Variants in GPC6 observed in about 807,000 individuals in gnomAD.
The protein encoded by GPC6 is glypican 6.
A neutral mutation model predicts 55.2 loss-of-function variants in GPC6; 14 were observed. The ratio of observed to expected loss-of-function variants is 0.25; its 90% CI spans 0.17 to 0.40. The LOEUF is 0.40. Ranked by LOEUF, GPC6 falls within the 10% of genes least tolerant of loss-of-function variation. The probability of loss-of-function intolerance (pLI) is 1.00; values close to 1 mark genes in which losing one functional copy is unlikely to be tolerated. For missense variants in GPC6, 641 were observed against 708.5 expected, an observed-to-expected ratio of 0.90 and a Z score of 1.08; for synonymous variants, 278 against 259.6, an observed-to-expected ratio of 1.07 and a Z score of -0.68.
chr13:93,386,888 C>T (rs1875427914), intron 1 of GPC6, among the ~76,000 whole-genome samples: 1 of 152,184 alleles, frequency 6.6e-6, no homozygotes, highest in African/African-American at 2.4e-5. Context: ...AATCCAATCT[C>T]TGCCTCTGTC....
At chr13:93,984,838 AT>A (rs1213605172) in intron 3 of GPC6, among the ~76,000 whole-genome samples, 7 of 152,330 alleles carry the variant, frequency 4.6e-5, no homozygotes, top group Non-Finnish European at 2.9e-5. Flanking sequence ...ACATATAAAT[AT>A]TTTTAATGGG....
chr13:93,379,971 A>C (rs1479135476), intron 1 of GPC6, among the ~76,000 whole-genome samples: 3 of 151,866 alleles, frequency 2.0e-5, no homozygotes, highest in African/African-American at 4.8e-5. Flanking sequence ...AAAAAAAAAA[A>C]AAAAAGAGCC....
intron 2 of GPC6, among the ~76,000 whole-genome samples, chr13:93,829,323 G>T (rs1387267704): frequency 6.6e-6 from 1 of 152,144 alleles, no homozygotes; most frequent in Non-Finnish European, 1.5e-5. Flanking sequence ...GGCCAGTGAG[G>T]CTAATGATAC....
intron 2 of GPC6, among the ~76,000 whole-genome samples, chr13:93,791,505 A>T (rs1161133214): frequency 2.0e-5 from 3 of 152,236 alleles, no homozygotes; most frequent in African/African-American, 7.2e-5. Context: ...AACAAGGTTT[A>T]TCACCAATCT....
At chr13:93,426,794 A>T (rs1877145595) in intron 1 of GPC6, among the ~76,000 whole-genome samples, 2 of 151,694 alleles carry the variant, frequency 1.3e-5, no homozygotes, top group Non-Finnish European at 2.9e-5. Flanking sequence ...CTAGTTCTAG[A>T]TCCCTGAGGA....
intron 1 of GPC6, among the ~76,000 whole-genome samples, chr13:93,289,473 A>G (rs1345211066): frequency 6.6e-6 from 1 of 152,232 alleles, no homozygotes; most frequent in Admixed American, 6.6e-5. Flanking sequence ...AAGTAGTATT[A>G]GGAAAAGTGT....
At chr13:94,174,508 A>G (rs1384598213) in intron 4 of GPC6, among the ~76,000 whole-genome samples, 1 of 152,156 alleles carries the variant, frequency 6.6e-6, no homozygotes, top group Non-Finnish European at 1.5e-5. Flanking sequence ...AGGAAGCACA[A>G]AATTGGTAAT....
At chr13:93,927,100 TTAA>T (rs1877900882) in intron 3 of GPC6, among the ~76,000 whole-genome samples, 1 of 152,176 alleles carries the variant, frequency 6.6e-6, no homozygotes, top group South Asian at 2.1e-4. Context: ...ACGAAATAGA[TTAA>T]TGTTTCTAAA....
intron 6 of GPC6, among the ~76,000 whole-genome samples, chr13:94,341,377 G>C (rs1878025334): frequency 6.6e-6 from 1 of 152,102 alleles, no homozygotes. Flanking sequence ...TTGAGGCCAG[G>C]AGTTTGAGAC....
At chr13:93,622,240 C>T (rs1197766723) in intron 2 of GPC6, among the ~76,000 whole-genome samples, 2 of 152,166 alleles carry the variant, frequency 1.3e-5, no homozygotes, top group African/African-American at 4.8e-5. Context: ...ATTGAGAACT[C>T]AACTATGTAT....
intron 1 of GPC6, among the ~76,000 whole-genome samples, chr13:93,319,395 A>T (rs1304811617): frequency 6.6e-6 from 1 of 152,176 alleles, no homozygotes; most frequent in Non-Finnish European, 1.5e-5. Flanking sequence ...ATTAATAGGT[A>T]TGGATCAGAA....
chr13:94,367,523 C>G (rs1396142415), intron 6 of GPC6, among the ~76,000 whole-genome samples: 1 of 152,166 alleles, frequency 6.6e-6, no homozygotes, highest in East Asian at 1.9e-4. Flanking sequence ...AAAATCTAAC[C>G]TGAACAGCAG....
intron 2 of GPC6, among the ~76,000 whole-genome samples, chr13:93,805,472 A>T (rs1489863674): frequency 6.6e-6 from 1 of 152,118 alleles, no homozygotes; most frequent in Non-Finnish European, 1.5e-5. Context: ...ATTTTAAAAG[A>T]TTATTATATT....
At chr13:94,102,248 G>C (rs1455899598) in intron 4 of GPC6, among the ~76,000 whole-genome samples, 1 of 152,060 alleles carries the variant, frequency 6.6e-6, no homozygotes, top group African/African-American at 2.4e-5. Flanking sequence ...AAGCAGCCAG[G>C]ACTCTCCCAA....
intron 2 of GPC6, among the ~76,000 whole-genome samples, chr13:93,581,691 G>C (rs1054787938): frequency 6.6e-6 from 1 of 152,134 alleles, no homozygotes; most frequent in South Asian, 2.1e-4. Flanking sequence ...GCAACAGAGA[G>C]AGACCCTGTC....
At chr13:94,000,158 C>T (rs1881735408) in intron 3 of GPC6, among the ~76,000 whole-genome samples, 1 of 152,194 alleles carries the variant, frequency 6.6e-6, no homozygotes, top group African/African-American at 2.4e-5. Flanking sequence ...GGCTCCTACT[C>T]ACTCTTCCCT....
intron 1 of GPC6, among the ~76,000 whole-genome samples, chr13:93,525,574 G>C (rs1172323042): frequency 6.6e-6 from 1 of 152,038 alleles, no homozygotes; most frequent in African/African-American, 2.4e-5. Context: ...CAACAGGATA[G>C]ACTCTTCTGA....
At chr13:93,504,815 T>C (rs921482532) in intron 1 of GPC6, among the ~76,000 whole-genome samples, 1 of 152,166 alleles carries the variant, frequency 6.6e-6, no homozygotes. Context: ...TTCTGTATGG[T>C]GTTTAGTCCT....
intron 2 of GPC6, among the ~76,000 whole-genome samples, chr13:93,782,905 G>A (rs1885700519): frequency 6.6e-6 from 1 of 152,068 alleles, no homozygotes; most frequent in Admixed American, 6.6e-5. Context: ...ATAAGTAAAG[G>A]TATGCCATGG....
Sources: allele counts gnomAD v4.1 joint callset (sites outside exome capture counted in the v4.1 genomes callset), GRCh38; gene constraint gnomAD v4.1.1; transcripts MANE v1.5; gene names NCBI Gene and HGNC (gene_info 2026-07-23, HGNC 2026-07-21).